SNTG1: variants seen among roughly 807,000 people sequenced by gnomAD.
SNTG1 encodes the protein gamma-1-syntrophin.
A neutral mutation model predicts 74.7 loss-of-function variants in SNTG1; 39 were observed. The observed-to-expected ratio is 0.52, with a 90% confidence interval of 0.40 to 0.68. The LOEUF (loss-of-function observed/expected upper bound fraction) is 0.68, where lower values mean the gene tolerates loss of function less well. Ranked by LOEUF, SNTG1 falls within the 30% of genes least tolerant of loss-of-function variation. SNTG1 has a pLI of 0.00. For synonymous variants in SNTG1, 254 were observed against 217.1 expected (o/e 1.17, Z -1.49); for missense variants, 685 against 609.5 (o/e 1.12, Z -1.30).
intron 1 of SNTG1, among the ~76,000 whole-genome samples, chr8:49,969,916 A>G (rs934783013): frequency 1.2e-5 from 1 of 85,972 alleles, no homozygotes; most frequent in African/African-American, 4.0e-5. Flanking sequence ...GGAATAAAAA[A>G]CCTGTGTGTG....
chr8:50,583,538 T>C (rs865867983), intron 12 of SNTG1, among the ~76,000 whole-genome samples: 1 of 152,136 alleles, frequency 6.6e-6, no homozygotes, highest in Admixed American at 6.5e-5. Flanking sequence ...CTTTTTGCGA[T>C]AGTCATCCTG....
intron 15 of SNTG1, among the ~76,000 whole-genome samples, chr8:50,659,076 T>G (rs922684510): frequency 2.6e-5 from 4 of 152,134 alleles, no homozygotes; most frequent in Non-Finnish European, 4.4e-5. Context: ...TTAGAAAATA[T>G]AGAAAATATC....
chr8:50,247,697 T>A (rs909660539), intron 2 of SNTG1, among the ~76,000 whole-genome samples: 1 of 151,880 alleles, frequency 6.6e-6, no homozygotes, highest in Non-Finnish European at 1.5e-5. Context: ...TTTTTTAATT[T>A]TTATTTTGTA....
intron 13 of SNTG1, among the ~76,000 whole-genome samples, chr8:50,634,346 G>T (rs1166549042): frequency 6.6e-6 from 1 of 152,148 alleles, no homozygotes; most frequent in Non-Finnish European, 1.5e-5. Context: ...AAATTGTCTG[G>T]GTCATGCATC....
intron 1 of SNTG1, among the ~76,000 whole-genome samples, chr8:49,913,807 A>T (rs1011697728): frequency 6.6e-6 from 1 of 152,230 alleles, no homozygotes; most frequent in Admixed American, 6.5e-5. Context: ...GCTGTCAATT[A>T]ATTAACACAG....
intron 2 of SNTG1, among the ~76,000 whole-genome samples, chr8:50,338,091 G>T (rs2091207414): frequency 3.4e-5 from 1 of 29,274 alleles, no homozygotes; most frequent in Non-Finnish European, 3.5e-3. Context: ...AGCCGAGATT[G>T]CGCCTGCACT....
At chr8:50,743,608 A>T (rs987298111) in intron 17 of SNTG1, among the ~76,000 whole-genome samples, 45 of 151,822 alleles carry the variant, frequency 3.0e-4, no homozygotes, top group African/African-American at 8.7e-4. Flanking sequence ...CTTCTGTTTG[A>T]CATGGTATTA....
rs187169329 is a variant in SNTG1 at position 50,123,717 on chromosome 8, T to C, written c.-102-48844T>C. 2.1e-5 allele frequency among the ~76,000 whole-genome samples: 3 copies of C among 142,194 alleles called. 1 individual carries two copies. The East Asian group carries it at 6.1e-4, about 29-fold the overall frequency. The allele number at this position is 142,194 out of a possible 152,430, so 93.3% of individuals were successfully genotyped here. ...TTTTTCCTACTGGGAAAGGGTGACA[T>C]TGTAGAGGCCAAAAGAAGGGACATC... On this transcript the variant is annotated intron_variant, in intron 1 of 18. Coordinates refer to ENST00000642720, the MANE Select transcript of SNTG1 (RefSeq NM_018967.5).
At chr8:50,037,436 T>G (rs1818261045) in intron 1 of SNTG1, among the ~76,000 whole-genome samples, 1 of 152,070 alleles carries the variant, frequency 6.6e-6, no homozygotes, top group Non-Finnish European at 1.5e-5. Context: ...AAAATAAGAG[T>G]TGTCATCTGG....
At chr8:50,720,134 C>T (rs150718686) in intron 17 of SNTG1, among the ~76,000 whole-genome samples, 6 of 152,238 alleles carry the variant, frequency 3.9e-5, no homozygotes, top group African/African-American at 7.2e-5. Flanking sequence ...TCCATAATAA[C>T]GACATTTCAA....
intron 2 of SNTG1, among the ~76,000 whole-genome samples, chr8:50,233,263 T>C (rs1368514109): frequency 6.6e-6 from 1 of 151,542 alleles, no homozygotes; most frequent in East Asian, 1.9e-4. Context: ...CATACAAAAA[T>C]GACCAAGTGA....
intron 2 of SNTG1, among the ~76,000 whole-genome samples, chr8:50,216,308 T>A (rs1375411830): frequency 6.6e-6 from 1 of 152,238 alleles, no homozygotes; most frequent in African/African-American, 2.4e-5. Flanking sequence ...CATGTGTTTT[T>A]ATCTCTTTGT....
Position 50,446,227 on chromosome 8 carries a change from G to A in SNTG1, c.220-3441G>A, listed in dbSNP as rs573875231. Among the ~76,000 whole-genome samples, 11 of 152,300 alleles carry A rather than the reference G, an allele frequency of 7.2e-5. No homozygotes were observed. In the South Asian group the frequency reaches 2.3e-3, roughly 32 times the overall value. ...AAATCTAATTAACTGTAGCAGCTGA[G>A]CTGCTCACATTTTCTCCAGTAATGA... On this transcript the variant is annotated intron_variant, in intron 5 of 18. Transcript: ENST00000642720.
At chr8:50,413,840 A>C (rs968689169) in intron 4 of SNTG1, among the ~76,000 whole-genome samples, 2 of 152,184 alleles carry the variant, frequency 1.3e-5, no homozygotes, top group African/African-American at 4.8e-5. Flanking sequence ...GGTTACATTG[A>C]GTCTATCATT....
chr8:50,320,756 A>G (rs1349817517), intron 2 of SNTG1, among the ~76,000 whole-genome samples: 2 of 151,642 alleles, frequency 1.3e-5, no homozygotes, highest in Non-Finnish European at 2.9e-5. Flanking sequence ...TTTCTTCTCA[A>G]TTTCTTCATT....
At chr8:50,190,901 G>A (rs538721707) in intron 2 of SNTG1, among the ~76,000 whole-genome samples, 12 of 152,188 alleles carry the variant, frequency 7.9e-5, no homozygotes, top group South Asian at 2.1e-4. Context: ...GGAATGACAC[G>A]ACAATAAGAA....
chr8:50,182,630 C>CTG (rs1485941435), intron 2 of SNTG1, among the ~76,000 whole-genome samples: 4 of 151,962 alleles, frequency 2.6e-5, no homozygotes, highest in Non-Finnish European at 5.9e-5. Flanking sequence ...ACGTGCGTGT[C>CTG]TGTGTGTGTG....
chr8:50,106,600 T>C (rs117494069), intron 1 of SNTG1, among the ~76,000 whole-genome samples: 1 of 152,276 alleles, frequency 6.6e-6, no homozygotes, highest in East Asian at 1.9e-4. Flanking sequence ...GCCTAGTTTG[T>C]TGAGGATTTT....
At chr8:50,094,943 G>A (rs955335059) in intron 1 of SNTG1, among the ~76,000 whole-genome samples, 1 of 152,174 alleles carries the variant, frequency 6.6e-6, no homozygotes, top group Non-Finnish European at 1.5e-5. Flanking sequence ...TAAAGAAAAT[G>A]TGGCACATAT....
Sources: gnomAD v4.1 joint callset for allele counts (sites outside exome capture counted in the v4.1 genomes callset) on GRCh38, gnomAD v4.1.1 for gene constraint, MANE v1.5 for transcripts, NCBI Gene and HGNC (gene_info 2026-07-23, HGNC 2026-07-21) for gene names.